MIB1: variants seen among roughly 807,000 people sequenced by gnomAD.
MIB1 encodes MIB E3 ubiquitin protein ligase 1.
In MIB1, 278 loss-of-function variants were observed where a neutral mutation model predicts 124.5. That is an observed-to-expected ratio of 2.23 (90% CI 2.02 to 2.47). MIB1 has a LOEUF of 2.47. Among genes scored for constraint, MIB1 ranks in the 30% most tolerant of loss-of-function variants. The pLI is 0.00. For synonymous variants in MIB1, 446 were observed against 429.4 expected, an observed-to-expected ratio of 1.04 and a Z score of -0.48; for missense variants, 957 against 1,254.4, an observed-to-expected ratio of 0.76 and a Z score of 3.58.
chr18:21,840,587 G>A (rs897440120), intron 13 of MIB1, among the ~76,000 whole-genome samples: 1 of 149,796 alleles, frequency 6.7e-6, no homozygotes. Context: ...CTAGGAGTTC[G>A]AGACCAGCCT....
At chr18:21,848,816 GGGCT>G (rs2042156984) in intron 16 of MIB1, among the ~76,000 whole-genome samples, 1 of 152,134 alleles carries the variant, frequency 6.6e-6, no homozygotes, top group Non-Finnish European at 1.5e-5. Flanking sequence ...ACTAACATGG[GGGCT>G]AGTGAGGATT....
rs138272579 is a variant in MIB1 at position 21,750,759 on chromosome 18, C to T, written c.229+8947C>T. The stretch of plus-strand genomic sequence containing the variant: ...GATTACAGGCGTGAGCCACTGCGCC[C>T]GGCCATCTCCTGCCCCACACCTCTT... On this transcript the variant is annotated intron_variant, in intron 1 of 20. Transcript: ENST00000261537. Among the ~76,000 whole-genome samples, 7 of 152,312 alleles carry T rather than the reference C, an allele frequency of 4.6e-5. 1 individual carries two copies. Among genetic ancestry groups the T allele is most frequent in the East Asian group, 3.9e-4 (2 of 5,172 alleles).
chr18:21,751,978 T>TTG (rs371765009), intron 1 of MIB1, among the ~76,000 whole-genome samples: 3 of 152,020 alleles, frequency 2.0e-5, no homozygotes, highest in Admixed American at 2.0e-4. Context: ...CTCTGTGTGT[T>TTG]TGTGTGTGTG....
At chr18:21,758,027 C>A (rs1429811195) in intron 1 of MIB1, among the ~76,000 whole-genome samples, 3 of 152,134 alleles carry the variant, frequency 2.0e-5, no homozygotes, top group Non-Finnish European at 4.4e-5. Flanking sequence ...TGAATTTGAA[C>A]CTGCCACTTA....
chr18:21,774,248 A>G (rs1453628661), intron 4 of MIB1, among the ~76,000 whole-genome samples: 6 of 152,264 alleles, frequency 3.9e-5, no homozygotes, highest in Non-Finnish European at 7.3e-5. Context: ...ATGGAGGTTT[A>G]TTCAATGAGT....
intron 12 of MIB1, among the ~76,000 whole-genome samples, chr18:21,820,281 A>C (rs2041867179): frequency 6.6e-6 from 1 of 152,188 alleles, no homozygotes; most frequent in Non-Finnish European, 1.5e-5. Flanking sequence ...CTTTACCCTA[A>C]GCATTTTAGG....
chr18:21,838,592 T>C, intron 13 of MIB1, 95 bp downstream of exon 13: 1 of 974,628 alleles, frequency 1.0e-6, no homozygotes, highest in Non-Finnish European at 1.5e-6. Context: ...ATAAATTGCC[T>C]ATTAGTAGGT....
chr18:21,709,315 C>T (rs1284871427), intron 1 of MIB1, among the ~76,000 whole-genome samples: 1 of 80,046 alleles, frequency 1.2e-5, no homozygotes, highest in Non-Finnish European at 2.5e-5. Context: ...GAGACTGTCT[C>T]AAAAAAAAAA....
intron 7 of MIB1, among the ~76,000 whole-genome samples, chr18:21,792,703 A>G (rs2041521146): frequency 6.6e-6 from 1 of 152,226 alleles, no homozygotes; most frequent in Admixed American, 6.5e-5. Context: ...ATACAATATT[A>G]CAAGAGGGTG....
rs1466597755 is a variant in MIB1 at position 21,865,386 on chromosome 18, A to G, written c.*720A>G. On this transcript the variant is annotated 3_prime_UTR_variant, in exon 21 of 21. Coordinates refer to ENST00000261537, the MANE Select transcript of MIB1 (RefSeq NM_020774.4). ...GAAAAATAAGCAATAATAGTGGGCA[A>G]CTGAAGAGAAAAAAAAAACGAGTAT... 6.6e-6 allele frequency: 1 copy of G among 152,168 alleles called. No individual in the cohort carries two copies. Among genetic ancestry groups the G allele is most frequent in the African/African-American group, 2.4e-5 (1 of 41,456 alleles). The allele number at this position is 152,168 out of a possible 1,614,324, so 9.4% of individuals were successfully genotyped here.
rs1439803447 is a variant in MIB1, at chr18:21,865,171, C to T, written c.*505C>T. On this transcript the variant is annotated 3_prime_UTR_variant, in exon 21 of 21. Coordinates refer to ENST00000261537, the MANE Select transcript of MIB1 (RefSeq NM_020774.4). ...AAGTTCCAGATAGTTAAGGGAATAC[C>T]GAAGGGATGATTCTTTTTTTAAGAT... is the stretch of plus-strand genomic sequence containing the variant. The T allele has an allele frequency of 2.6e-5, 4 of 152,006 alleles. No individual in the cohort carries two copies. Among genetic ancestry groups the T allele is most frequent in the African/African-American group, 7.2e-5 (3 of 41,388 alleles). 9.4% of individuals were successfully genotyped at this position (152,006 alleles called of 1,614,324 possible). A position where few individuals can be genotyped will look rare whatever the true frequency, so the allele number is the denominator to read the frequency against.
intron 12 of MIB1, chr18:21,825,672 T>G (rs2041918039): frequency 3.8e-6 from 2 of 526,930 alleles, no homozygotes; most frequent in Middle Eastern, 3.2e-4. Flanking sequence ...TATTCACAAA[T>G]GAAAACGTTG....
intron 6 of MIB1, among the ~76,000 whole-genome samples, chr18:21,791,015 C>T (rs1482174212): frequency 2.0e-5 from 3 of 151,916 alleles, no homozygotes; most frequent in Non-Finnish European, 2.9e-5. Context: ...ACCAGCCAGG[C>T]TAACATGGTG....
At chr18:21,735,578 T>C (rs1454228857) in intron 1 of MIB1, among the ~76,000 whole-genome samples, 2 of 151,928 alleles carry the variant, frequency 1.3e-5, no homozygotes, top group Admixed American at 6.6e-5. Flanking sequence ...GTGGTCTGGC[T>C]CAGCGGGTCC....
chr18:21,787,771 T>C (rs2146437962), intron 6 of MIB1, among the ~76,000 whole-genome samples: 1 of 152,112 alleles, frequency 6.6e-6, no homozygotes, highest in African/African-American at 2.4e-5. Context: ...TTTTTTTTTT[T>C]TTCGATTTTC....
intron 1 of MIB1, among the ~76,000 whole-genome samples, chr18:21,725,281 T>G (rs1465580011): frequency 6.6e-6 from 1 of 152,090 alleles, no homozygotes; most frequent in Non-Finnish European, 1.5e-5. Flanking sequence ...AGCTGGAGAC[T>G]TCAAGATGAA....
At chr18:21,706,730 TG>T (rs1344841430) in intron 1 of MIB1, among the ~76,000 whole-genome samples, 1 of 152,156 alleles carries the variant, frequency 6.6e-6, no homozygotes, top group African/African-American at 2.4e-5. Context: ...CTGGAATTCT[TG>T]CTGGGCCTCA....
chr18:21,802,125 A>G (rs1014143264), intron 9 of MIB1, among the ~76,000 whole-genome samples: 3 of 152,166 alleles, frequency 2.0e-5, no homozygotes, highest in African/African-American at 7.2e-5. Flanking sequence ...CAGAATTACT[A>G]TTGAGAAGAT....
intron 18 of MIB1, among the ~76,000 whole-genome samples, chr18:21,853,701 T>C (rs1008722323): frequency 1.1e-4 from 16 of 152,148 alleles, no homozygotes; most frequent in Admixed American, 1.0e-3. Flanking sequence ...AGAAATCTTT[T>C]CTTTGTGAGG....
Sources: allele counts gnomAD v4.1 joint callset (sites outside exome capture counted in the v4.1 genomes callset), GRCh38; gene constraint gnomAD v4.1.1; transcripts MANE v1.5; gene names NCBI Gene and HGNC (gene_info 2026-07-23, HGNC 2026-07-21).